The following SMG1 variants were observed in gnomAD, a reference collection of about 807,000 sequenced individuals.
SMG1 encodes SMG1 nonsense mediated mRNA decay associated PI3K related kinase, also known as serine/threonine-protein kinase SMG1.
Under a neutral mutation model 419.9 loss-of-function variants are expected in SMG1, and 22 were observed. That is an observed-to-expected ratio of 0.05 (90% CI 0.04 to 0.07). The LOEUF is 0.07. Ranked by LOEUF, SMG1 falls within the 10% of genes least tolerant of loss-of-function variation. The pLI is 1.00. For missense variants in SMG1, 3,185 were observed against 4,342.0 expected (o/e 0.73, Z 7.49); for synonymous variants, 1,538 against 1,553.5 (o/e 0.99, Z 0.23).
intron 60 of SMG1, among the ~76,000 whole-genome samples, chr16:18,814,274 T>C (rs1000503698): frequency 1.3e-5 from 2 of 151,822 alleles, no homozygotes; most frequent in African/African-American, 4.8e-5. Context: ...TCTGCCTCTA[T>C]TTGGAATGGA....
intron 1 of SMG1, chr16:18,899,861 CT>C: frequency 3.0e-6 from 2 of 657,024 alleles, no homozygotes; most frequent in Non-Finnish European, 5.4e-6. Context: ...TCTACAGCCC[CT>C]TTAATATTCT....
chr16:18,915,885 A>G (rs891083836), intron 1 of SMG1, among the ~76,000 whole-genome samples: 2 of 151,646 alleles, frequency 1.3e-5, no homozygotes, highest in Non-Finnish European at 2.9e-5. Context: ...CCTGGCCAAC[A>G]TGGTGAAACC....
At chr16:18,813,196 G>C (rs1465437719) in intron 60 of SMG1, among the ~76,000 whole-genome samples, 4 of 152,094 alleles carry the variant, frequency 2.6e-5, no homozygotes, top group African/African-American at 7.2e-5. Context: ...GTAATGGGAT[G>C]GCTGGGTCAA....
In SMG1 at chr16:18,830,322, G is replaced by A; in HGVS notation, c.8840C>T (p.Ser2947Leu). 1 of 1,613,922 alleles carries A rather than the reference G, an allele frequency of 6.2e-7. No individual in the cohort carries two copies. The highest frequency in any genetic ancestry group is 8.5e-7 in the Non-Finnish European group (1 of 1,179,870). Reference sequence around the variant, plus strand: ...TGACATTTTGGGTGTTTCATCAACTGAACCATTTCTCGGTTGGATTAATTC... The same window carrying A: ...TGACATTTTGGGTGTTTCATCAACTAAACCATTTCTCGGTTGGATTAATTC... ...YGELIQPRNG[S>L]VDETPKMSAG... The change falls in exon 52 of 63, where the codon TCA becomes TTA. Residue 2947 changes from serine (S) to leucine (L), a missense_variant. Physicochemically the swap from Ser to Leu is moderately radical, Grantham distance 145. Coordinates refer to ENST00000446231, the MANE Select transcript of SMG1 (RefSeq NM_015092.5).
chr16:18,926,172 AGG>A lies in SMG1; in HGVS notation c.-133_-132del, dbSNP rs2038401367. On this transcript the variant is annotated 5_prime_UTR_variant, in exon 1 of 63. Transcript: ENST00000446231. ...GAAGCCGAGAAGGAGGAGGAGGAGGAGGAGGAGGAGAAGGAGGAGGCGGCGGA... is the reference window on the plus strand; with the variant it reads ...GAAGCCGAGAAGGAGGAGGAGGAGGAAGGAGGAGAAGGAGGAGGCGGCGGA... The A allele has an allele frequency of 6.6e-6, 5 of 762,774 alleles. No individual in the cohort carries two copies. The highest frequency in any genetic ancestry group is 8.0e-6 in the Non-Finnish European group (4 of 500,318). 47.3% of individuals were successfully genotyped at this position (762,774 alleles called of 1,614,324 possible). A position where few individuals can be genotyped will look rare whatever the true frequency, so the allele number is the denominator to read the frequency against.
chr16:18,827,119 T>A (rs1042267781), intron 55 of SMG1, among the ~76,000 whole-genome samples: 2 of 152,062 alleles, frequency 1.3e-5, no homozygotes, highest in Non-Finnish European at 2.9e-5. Flanking sequence ...TTCAGTTACC[T>A]TGGAGGGTAA....
At chr16:18,872,146 A>T in intron 15 of SMG1, 38 bp downstream of exon 15, 2 of 1,214,964 alleles carry the variant, frequency 1.6e-6, no homozygotes, top group Non-Finnish European at 2.2e-6. Context: ...GCAAATTAAC[A>T]AAGTTAGGAA....
chr16:18,863,552 G>C, intron 25 of SMG1, 98 bp downstream of exon 25: 1 of 1,091,502 alleles, frequency 9.2e-7, no homozygotes, highest in South Asian at 1.3e-5. Flanking sequence ...TAACCATTTT[G>C]TATTACTACA....
intron 41 of SMG1, 36 bp downstream of exon 41, chr16:18,841,529 A>G: frequency 6.4e-7 from 1 of 1,569,330 alleles, no homozygotes; most frequent in Non-Finnish European, 8.8e-7. Context: ...AATAACAGAG[A>G]ATAGACTAAT....
intron 23 of SMG1, 135 bp downstream of exon 23, chr16:18,866,486 T>A: frequency 1.3e-6 from 1 of 788,794 alleles, no homozygotes. Context: ...CGCCTCCTGG[T>A]GAAGTGATTT....
Position 18,815,626 on chromosome 16 carries a change from C to T in SMG1, c.10328G>A (p.Gly3443Asp), listed in dbSNP as rs774240276. Residue 3443 changes from glycine (G) to aspartate (D), a missense_variant, in exon 59 of 63, where the codon GGT (glycine) becomes GAT (aspartate). Gly to Asp is a moderately conservative substitution (Grantham distance 94). Transcript: ENST00000446231. Reference sequence around the variant, plus strand: ...ACTGTTCTCATAGGGAACATCTTCACCATCTGCCAGAGCAGCTTCTTCATC... The same window carrying T: ...ACTGTTCTCATAGGGAACATCTTCATCATCTGCCAGAGCAGCTTCTTCATC... ...AKDEEAALAD[G>D]EDVPYENSVR... The T allele has an allele frequency of 6.2e-7, 1 of 1,613,884 alleles. No homozygotes were observed. The highest frequency in any genetic ancestry group is 1.1e-5 in the South Asian group (1 of 91,058).
chr16:18,819,428 C>T (rs1567319048), intron 56 of SMG1, 74 bp downstream of exon 56: 1 of 1,514,762 alleles, frequency 6.6e-7, no homozygotes, highest in Non-Finnish European at 9.0e-7. Context: ...CCTAGTTACC[C>T]CACATATAAC....
At chr16:18,891,486 A>G (rs2036877614) in intron 4 of SMG1, among the ~76,000 whole-genome samples, 1 of 148,020 alleles carries the variant, frequency 6.8e-6, no homozygotes, top group African/African-American at 2.5e-5. Flanking sequence ...CCCAGGCTGG[A>G]GTGCAATGGC....
At chr16:18,861,247 A>G (rs1236370522) in intron 25 of SMG1, 1 of 151,082 alleles carries the variant, frequency 6.6e-6, no homozygotes, top group East Asian at 1.9e-4. Flanking sequence ...CACTGCTGGC[A>G]TCCCTCCGTC....
rs144993993 is a variant in SMG1 at position 18,874,145 on chromosome 16, T to A, written c.1891-1521A>T. ...TGTCCATTACTTTCTTTCTTTGTGT[T>A]TTTTTTCTTTTGAGACAGAGTCTGG... On this transcript the variant is annotated intron_variant, in intron 13 of 62. Transcript: ENST00000446231. 2.2e-4 allele frequency among the ~76,000 whole-genome samples: 34 copies of A among 152,248 alleles called. No individual in the cohort carries two copies. The East Asian group carries it at 3.5e-3, about 16-fold the overall frequency.
chr16:18,852,290 C>T (rs2034647306), intron 32 of SMG1, 28 bp downstream of exon 32: 1 of 1,604,514 alleles, frequency 6.2e-7, no homozygotes, highest in South Asian at 1.1e-5. Context: ...TTATGCAATG[C>T]ATAAATAAAC....
In SMG1 at chr16:18,852,457, T is replaced by C. The variant is rs763516102; in HGVS notation, c.4774A>G (p.Ile1592Val). 1 of 1,563,372 alleles carries C rather than the reference T, an allele frequency of 6.4e-7. No individual in the cohort carries two copies. The highest frequency in any genetic ancestry group is 1.2e-5 in the South Asian group (1 of 82,804). The part of the protein sequence containing the change: ...PRIESESTVH[I>V]GVGEPDFILG... ...ATGAAGTCAGGTTCTCCAACTCCAA[T>C]ATGCACTGCCAAAATGGACAAAAAA... The change falls in exon 32 of 63, where the codon ATT becomes GTT. Residue 1592 changes from isoleucine to valine, a missense_variant. By Grantham distance (29) the Ile-to-Val change is conservative (BLOSUM62 3). This residue lies in a region of SMG1 where 493 missense variants were observed against 552.9 expected (regional missense o/e 0.89). Coordinates refer to ENST00000446231, the MANE Select transcript of SMG1 (RefSeq NM_015092.5).
rs567440076 is a variant in SMG1, at chr16:18,807,359, A to G, written c.*2210T>C. On this transcript the variant is annotated 3_prime_UTR_variant, in exon 63 of 63. Transcript: ENST00000446231. ...AATGTGATGAATGTAATTTGCTCCC[A>G]GAGCCTCTAGAAAATAAAGCAGTGT... The G allele has an allele frequency of 8.5e-5, 13 of 152,346 alleles. No homozygotes were observed. The highest frequency in any genetic ancestry group is 2.4e-4 in the African/African-American group (10 of 41,580). 9.4% of individuals were successfully genotyped at this position (152,346 alleles called of 1,614,324 possible).
Position 18,812,003 on chromosome 16 carries a change from G to C in SMG1, c.10746C>G (p.Gly3582=). Residue 3582 remains glycine, a synonymous_variant, in exon 61 of 63, where the codon GGC becomes GGG. Coordinates refer to ENST00000446231, the MANE Select transcript of SMG1 (RefSeq NM_015092.5). ...TTTTAGGACTACAAGCAACACTCTTGCCAGTTCCTGGAACGGTGCTTGGTG... is the reference window on the plus strand; with the variant it reads ...TTTTAGGACTACAAGCAACACTCTTCCCAGTTCCTGGAACGGTGCTTGGTG... ...DTPPSTVPGT[G]KSVACSPKKA... The C allele has an allele frequency of 6.2e-7, 1 of 1,614,012 alleles. No individual in the cohort carries two copies. Among genetic ancestry groups the C allele is most frequent in the African/African-American group, 1.3e-5 (1 of 75,042 alleles).
Sources: allele counts gnomAD v4.1 joint callset (sites outside exome capture counted in the v4.1 genomes callset), GRCh38; gene constraint gnomAD v4.1.1; regional missense constraint gnomAD v4.1.1; transcripts MANE v1.5; gene names NCBI Gene and HGNC (gene_info 2026-07-23, HGNC 2026-07-21).